POLB: variants seen among roughly 807,000 people sequenced by gnomAD.
POLB encodes 5'-dRP lyase.
A neutral mutation model predicts 52.7 loss-of-function variants in POLB; 37 were observed. The observed-to-expected ratio is 0.70, with a 90% CI of 0.54 to 0.92. The LOEUF is 0.92. Among genes scored for constraint, POLB ranks in the 40% least tolerant of loss-of-function variants. The pLI, the probability that POLB is intolerant of heterozygous loss-of-function variation, is 0.00. For missense variants in POLB, 313 were observed against 400.8 expected (o/e 0.78, Z 1.87); for synonymous variants, 138 against 131.3 (o/e 1.05, Z -0.35).
intron 3 of POLB, among the ~76,000 whole-genome samples, chr8:42,346,814 G>A (rs1285565627): frequency 5.3e-5 from 8 of 152,084 alleles, no homozygotes; most frequent in Admixed American, 5.2e-4. Flanking sequence ...CCTTGACTTC[G>A]CTACTCAGTA....
Position 42,338,634 on chromosome 8 carries a change from CG to C in POLB, c.12del (p.Lys5ArgfsTer25). The C allele has an allele frequency of 6.2e-7, 1 of 1,614,142 alleles. No homozygotes were observed. The highest frequency in any genetic ancestry group is 8.5e-7 in the Non-Finnish European group (1 of 1,179,974). MSKRKAPQETLNGG... is the reference protein window; with the variant it reads MSKXKAPQETLNGG... ...TCGGGTGCAGGCCGCCATGAGCAAA[CG>C]GAAGGCGCCGCAGGAGACTCTCAAC... On this transcript the variant is annotated frameshift_variant, in exon 1 of 14. Transcript: ENST00000265421. LOFTEE classifies it high-confidence loss of function.
intron 4 of POLB, 98 bp from the exon 5 acceptor site, chr8:42,349,909 C>A: frequency 1.2e-6 from 1 of 813,080 alleles, no homozygotes; most frequent in Non-Finnish European, 2.1e-6. Context: ...ATGTAAATAG[C>A]TCTTCATGTC....
At chr8:42,355,279 C>T (rs921745729) in intron 6 of POLB, among the ~76,000 whole-genome samples, 1 of 152,074 alleles carries the variant, frequency 6.6e-6, no homozygotes, top group Non-Finnish European at 1.5e-5. Flanking sequence ...ACCTTGTGAT[C>T]CGCCCGCCTC....
At chr8:42,364,416 G>C (rs1422682731) in intron 11 of POLB, among the ~76,000 whole-genome samples, 3 of 151,746 alleles carry the variant, frequency 2.0e-5, no homozygotes, top group Non-Finnish European at 4.4e-5. Flanking sequence ...TTTTGTAGAG[G>C]TGGGGTTTCA....
chr8:42,363,045 A>C (rs1454879102), intron 11 of POLB, among the ~76,000 whole-genome samples: 1 of 151,538 alleles, frequency 6.6e-6, no homozygotes, highest in Non-Finnish European at 1.5e-5. Flanking sequence ...AATCACTTGA[A>C]CCCAGGAGAC....
chr8:42,358,680 T>C (rs1216553573), intron 9 of POLB, among the ~76,000 whole-genome samples: 2 of 152,080 alleles, frequency 1.3e-5, no homozygotes, highest in East Asian at 3.9e-4. Flanking sequence ...GCTGTAAGAA[T>C]CTAGAGTTGG....
intron 2 of POLB, among the ~76,000 whole-genome samples, chr8:42,340,790 C>T (rs1416969080): frequency 6.6e-6 from 1 of 152,154 alleles, no homozygotes; most frequent in Admixed American, 6.5e-5. Flanking sequence ...GATTGTGCTC[C>T]CTCCTTTCCT....
chr8:42,349,269 A>G (rs920408095), intron 4 of POLB, 179 bp downstream of exon 4: 3 of 504,234 alleles, frequency 5.9e-6, no homozygotes, highest in African/African-American at 4.0e-5. Flanking sequence ...CACTTGTTTT[A>G]TGTGGCATTT....
intron 6 of POLB, among the ~76,000 whole-genome samples, chr8:42,354,926 A>C (rs1823206944): frequency 6.6e-6 from 1 of 152,220 alleles, no homozygotes; most frequent in Non-Finnish European, 1.5e-5. Context: ...ATAAACTATG[A>C]ATAAACCTAG....
intron 13 of POLB, among the ~76,000 whole-genome samples, chr8:42,370,822 C>T (rs970473842): frequency 6.6e-6 from 1 of 152,194 alleles, no homozygotes; most frequent in Non-Finnish European, 1.5e-5. Context: ...AACATCTCAT[C>T]GTGTTTTAAG....
In POLB at chr8:42,371,606, C is replaced by A; in HGVS notation, c.957C>A (p.Ile319=). The A allele has an allele frequency of 6.2e-7, 1 of 1,613,312 alleles. No homozygotes were observed. The highest frequency in any genetic ancestry group is 8.5e-7 in the Non-Finnish European group (1 of 1,179,380). The change falls in exon 14 of 14, where the codon ATC becomes ATA. Residue 319 remains isoleucine, a synonymous_variant. Coordinates refer to ENST00000265421, the MANE Select transcript of POLB (RefSeq NM_002690.3). Reference sequence around the variant, plus strand: ...TGCCAGTGGATAGTGAAAAAGACATCTTTGATTACATCCAGTGGAAATACC... The same window carrying A: ...TGCCAGTGGATAGTGAAAAAGACATATTTGATTACATCCAGTGGAAATACC... ...EPLPVDSEKD[I]FDYIQWKYRE...
At chr8:42,351,860 A>G (rs1822992876) in intron 5 of POLB, among the ~76,000 whole-genome samples, 1 of 152,196 alleles carries the variant, frequency 6.6e-6, no homozygotes, top group South Asian at 2.1e-4. Flanking sequence ...GTACTGTTCC[A>G]TAGCACCTCA....
intron 2 of POLB, chr8:42,341,776 T>A (rs3136722): frequency 0.93 from 428,044 of 460,214 alleles, 201,008 homozygotes; most frequent in East Asian, 1. Context: ...TTTAGCTCTC[T>A]GCAGCCCCCT....
At chr8:42,339,879 C>T (rs1822092688) in intron 2 of POLB, 1 of 152,120 alleles carries the variant, frequency 6.6e-6, no homozygotes, top group African/African-American at 2.4e-5. Context: ...TCTCCTTAGC[C>T]TATAAATATG....
Position 42,357,351 on chromosome 8 carries a change from A to G in POLB, c.509A>G (p.Asp170Gly). 3 of 1,581,644 alleles carry G rather than the reference A, an allele frequency of 1.9e-6. No individual in the cohort carries two copies. The highest frequency in any genetic ancestry group is 2.6e-6 in the Non-Finnish European group (3 of 1,150,692). Residue 170 changes from aspartate (D) to glycine (G), a missense_variant, in exon 9 of 14, where the codon GAT (aspartate) becomes GGT (glycine). Physicochemically the swap from Asp to Gly is moderately conservative, Grantham distance 94. This residue lies in a region of POLB where 246 missense variants were observed against 297.6 expected (regional missense o/e 0.83). Transcript: ENST00000265421. Reference sequence around the variant, plus strand: ...GTACTAAATGAAGTTAAAAAAGTGGATTCTGAATACATTGCTACAGTCTGT... The same window carrying G: ...GTACTAAATGAAGTTAAAAAAGTGGGTTCTGAATACATTGCTACAGTCTGT... ...DIVLNEVKKV[D>G]SEYIATVCGS...
At chr8:42,367,246 A>T (rs536947710) in intron 11 of POLB, among the ~76,000 whole-genome samples, 65 of 152,340 alleles carry the variant, frequency 4.3e-4, no homozygotes, top group South Asian at 1.0e-3. Context: ...AATGAACATA[A>T]TAAATATGTG....
chr8:42,359,841 A>G (rs1212824218), intron 9 of POLB, among the ~76,000 whole-genome samples: 1 of 152,028 alleles, frequency 6.6e-6, no homozygotes, highest in African/African-American at 2.4e-5. Flanking sequence ...GGACAGTGAA[A>G]GACATCCAGC....
intron 9 of POLB, chr8:42,361,022 G>T: frequency 1.7e-6 from 1 of 576,500 alleles, no homozygotes; most frequent in South Asian, 1.6e-5. Context: ...AGTTACTTAG[G>T]TGCATTTTTA....
At chr8:42,354,532 A>G (rs1191381427) in intron 6 of POLB, 1 of 1,098,636 alleles carries the variant, frequency 9.1e-7, no homozygotes. Context: ...GTACAGTAAT[A>G]ATTTTCCTTT....
Sources: gnomAD v4.1 joint callset for allele counts (sites outside exome capture counted in the v4.1 genomes callset) on GRCh38, gnomAD v4.1.1 for gene constraint, gnomAD v4.1.1 regional missense constraint, MANE v1.5 for transcripts, NCBI Gene and HGNC (gene_info 2026-07-23, HGNC 2026-07-21) for gene names.